Variants in TAF1B observed in about 807,000 individuals in gnomAD.
The protein encoded by TAF1B is TATA box-binding protein-associated factor RNA polymerase I subunit B.
In TAF1B, 61 loss-of-function variants were observed where a neutral mutation model predicts 83.9. The ratio of observed to expected loss-of-function variants is 0.73; its 90% CI spans 0.59 to 0.90. TAF1B has a LOEUF of 0.90. Ranked by LOEUF, TAF1B falls within the 40% of genes least tolerant of loss-of-function variation. The pLI, the probability that TAF1B is intolerant of heterozygous loss-of-function variation, is 0.00. For missense variants in TAF1B, 625 were observed against 677.0 expected, an observed-to-expected ratio of 0.92 and a Z score of 0.85; for synonymous variants, 221 against 224.6, an observed-to-expected ratio of 0.98 and a Z score of 0.14.
chr2:9,876,038 T>C lies in TAF1B; in HGVS notation c.707+20T>C. ...TTTGAGGTTAGCTAGACCTCTTGTA[T>C]GATAATATTTTTGCTGGTTACTACA... On this transcript the variant is annotated intron_variant, in intron 7 of 14. Coordinates refer to ENST00000263663, the MANE Select transcript of TAF1B (RefSeq NM_005680.3). 1 of 1,575,380 alleles carries C rather than the reference T, an allele frequency of 6.3e-7. No individual in the cohort carries two copies. The highest frequency in any genetic ancestry group is 8.7e-7 in the Non-Finnish European group (1 of 1,153,170).
intron 12 of TAF1B, 42 bp downstream of exon 12, chr2:9,913,291 T>G (rs768658923): frequency 6.8e-7 from 1 of 1,479,614 alleles, no homozygotes; most frequent in Non-Finnish European, 9.4e-7. Flanking sequence ...GCCTTACTTC[T>G]GTGTCTGTTA....
At chr2:9,852,744 G>A (rs1313283176) in intron 4 of TAF1B, among the ~76,000 whole-genome samples, 4 of 152,062 alleles carry the variant, frequency 2.6e-5, no homozygotes, top group African/African-American at 7.2e-5. Context: ...TGCCCATCTC[G>A]GCCTCTCAAA....
At chr2:9,868,952 A>G (rs149920226) in intron 6 of TAF1B, among the ~76,000 whole-genome samples, 1 of 152,304 alleles carries the variant, frequency 6.6e-6, no homozygotes, top group African/African-American at 2.4e-5. Flanking sequence ...TTATCAGTGT[A>G]TCCACATCTC....
intron 2 of TAF1B, among the ~76,000 whole-genome samples, chr2:9,847,646 G>GA (rs1322657342): frequency 7.1e-5 from 10 of 140,494 alleles, no homozygotes; most frequent in Middle Eastern, 7.0e-3. Context: ...TTTTATCCAG[G>GA]AAAAAAAAAT....
intron 5 of TAF1B, 136 bp from the exon 6 acceptor site, chr2:9,868,140 A>C: frequency 1.2e-6 from 1 of 843,976 alleles, no homozygotes; most frequent in Non-Finnish European, 1.8e-6. Flanking sequence ...TCAGAAGTAA[A>C]GGGACTTGGC....
At chr2:9,868,826 A>G in intron 6 of TAF1B, 2 of 376,788 alleles carry the variant, frequency 5.3e-6, no homozygotes, top group South Asian at 4.2e-5. Context: ...AGCATAGACT[A>G]AATCAAGCTG....
intron 14 of TAF1B, among the ~76,000 whole-genome samples, chr2:9,926,751 ATCAC>A (rs1666053016): frequency 6.7e-6 from 1 of 149,432 alleles, no homozygotes; most frequent in Non-Finnish European, 1.5e-5. Context: ...AGGCAGGAGA[ATCAC>A]TTGAACCTGG....
intron 5 of TAF1B, among the ~76,000 whole-genome samples, chr2:9,864,657 T>C (rs1402845694): frequency 6.6e-6 from 1 of 152,154 alleles, no homozygotes; most frequent in Non-Finnish European, 1.5e-5. Context: ...TTTAGATCAA[T>C]ATCCTTGATG....
At chr2:9,888,948 C>T (rs937387015) in intron 8 of TAF1B, among the ~76,000 whole-genome samples, 6 of 149,584 alleles carry the variant, frequency 4.0e-5, no homozygotes, top group African/African-American at 1.5e-4. Context: ...GGATTACAGA[C>T]ATGCGCCACC....
intron 8 of TAF1B, among the ~76,000 whole-genome samples, chr2:9,883,831 T>C (rs899114387): frequency 1.3e-5 from 2 of 152,214 alleles, no homozygotes; most frequent in African/African-American, 2.4e-5. Context: ...GTAAAATAAT[T>C]CTCTTTGTAG....
chr2:9,871,363 T>G (rs1291646353), intron 6 of TAF1B, among the ~76,000 whole-genome samples: 1 of 152,194 alleles, frequency 6.6e-6, no homozygotes, highest in Non-Finnish European at 1.5e-5. Flanking sequence ...ATTGTAGGCG[T>G]AAGCTACTGT....
chr2:9,884,376 T>G (rs946575165), intron 8 of TAF1B, among the ~76,000 whole-genome samples: 3 of 152,224 alleles, frequency 2.0e-5, no homozygotes, highest in Non-Finnish European at 4.4e-5. Context: ...GGGGCATGTT[T>G]CAGACCTGTT....
chr2:9,920,347 G>A (rs1665835290), intron 14 of TAF1B, among the ~76,000 whole-genome samples: 1 of 152,156 alleles, frequency 6.6e-6, no homozygotes, highest in Non-Finnish European at 1.5e-5. Flanking sequence ...GTATGGCATT[G>A]ATTGATTTTA....
chr2:9,915,707 T>C (rs902424454), intron 12 of TAF1B, among the ~76,000 whole-genome samples: 1 of 152,236 alleles, frequency 6.6e-6, no homozygotes, highest in African/African-American at 2.4e-5. Flanking sequence ...TAAACATACA[T>C]TTATTATGTT....
At chr2:9,843,458 C>T, upstream of TAF1B, 25 of 1,321,198 alleles carry the variant, frequency 1.9e-5, no homozygotes, top group African/African-American at 3.7e-5. Flanking sequence ...CGTTTCCGGC[C>T]GGAAGCTTCT....
At position 9,868,454 on chromosome 2, in the gene TAF1B, C is replaced by T. The variant is rs369723743; in HGVS notation, c.553+25C>T. Reference sequence around the variant, plus strand: ...GGTAAAAATGAGAACCAAACCATTTCGAATTTTAAAGCTGTTATGCCCCTT... The same window carrying T: ...GGTAAAAATGAGAACCAAACCATTTTGAATTTTAAAGCTGTTATGCCCCTT... On this transcript the variant is annotated intron_variant, in intron 6 of 14. Coordinates refer to ENST00000263663, the MANE Select transcript of TAF1B (RefSeq NM_005680.3). The T allele has an allele frequency of 1.1e-4, 178 of 1,593,110 alleles. No individual in the cohort carries two copies. The Admixed American group carries it at 2.2e-3, about 20-fold the overall frequency.
At chr2:9,932,698 T>G (rs1558275194) in intron 14 of TAF1B, among the ~76,000 whole-genome samples, 1 of 152,218 alleles carries the variant, frequency 6.6e-6, no homozygotes. Context: ...ACCACTGCTT[T>G]CTTCAGAGCT....
At chr2:9,848,968 A>C (rs1013280777) in intron 2 of TAF1B, among the ~76,000 whole-genome samples, 4 of 152,254 alleles carry the variant, frequency 2.6e-5, no homozygotes, top group African/African-American at 9.6e-5. Flanking sequence ...AAGTAGGCCA[A>C]AACTAATCTG....
At chr2:9,885,172 C>G (rs1467979427) in intron 8 of TAF1B, among the ~76,000 whole-genome samples, 1 of 152,112 alleles carries the variant, frequency 6.6e-6, no homozygotes, top group East Asian at 1.9e-4. Context: ...AGTAAAAAGC[C>G]TAAATACTGT....
Sources: allele counts gnomAD v4.1 joint callset (sites outside exome capture counted in the v4.1 genomes callset), GRCh38; gene constraint gnomAD v4.1.1; transcripts MANE v1.5; gene names NCBI Gene and HGNC (gene_info 2026-07-23, HGNC 2026-07-21).